The following MAP4K4 variants were observed in gnomAD, a reference collection of about 807,000 sequenced individuals.
The protein encoded by MAP4K4 is mitogen-activated protein kinase kinase kinase kinase 4.
MAP4K4 carries 38 observed loss-of-function variants against 189.6 expected under a neutral mutation model. The observed-to-expected ratio is 0.20, with a 90% CI of 0.15 to 0.26. The LOEUF is 0.26. Ranked by LOEUF, MAP4K4 falls within the 10% of genes least tolerant of loss-of-function variation. MAP4K4 has a pLI of 1.00. For synonymous variants in MAP4K4, 610 were observed against 624.3 expected (o/e 0.98, Z 0.34); for missense variants, 1,054 against 1,726.9 (o/e 0.61, Z 6.91).
chr2:101,719,619 G>A (rs1435161318), intron 2 of MAP4K4, among the ~76,000 whole-genome samples: 1 of 152,166 alleles, frequency 6.6e-6, no homozygotes. Context: ...CAAGCTTTTT[G>A]GTTCTTGATT....
At chr2:101,855,738 T>C (rs2097432090) in intron 12 of MAP4K4, among the ~76,000 whole-genome samples, 1 of 152,168 alleles carries the variant, frequency 6.6e-6, no homozygotes, top group African/African-American at 2.4e-5. Context: ...ATAATTGTTA[T>C]CAAAATGAAA....
At chr2:101,768,140 A>G (rs2079513660) in intron 2 of MAP4K4, among the ~76,000 whole-genome samples, 2 of 152,290 alleles carry the variant, frequency 1.3e-5, no homozygotes, top group Admixed American at 6.5e-5. Context: ...ATCTTGTATC[A>G]TAACGTTAGT....
At chr2:101,861,780 T>A (rs556829477) in intron 16 of MAP4K4, 1 of 152,282 alleles carries the variant, frequency 6.6e-6, no homozygotes, top group African/African-American at 2.4e-5. Flanking sequence ...AACTACTGAC[T>A]TTTAGATATT....
At chr2:101,754,360 T>C (rs896288800) in intron 2 of MAP4K4, among the ~76,000 whole-genome samples, 1 of 146,604 alleles carries the variant, frequency 6.8e-6, no homozygotes, top group Non-Finnish European at 1.5e-5. Context: ...TTTTTTTTTT[T>C]TTTTTTTGAG....
chr2:101,745,338 C>T (rs577317474), intron 2 of MAP4K4, among the ~76,000 whole-genome samples: 1 of 135,644 alleles, frequency 7.4e-6, no homozygotes, highest in Non-Finnish European at 1.6e-5. Context: ...ACCCCCCCCC[C>T]CCCAATACTG....
intron 2 of MAP4K4, among the ~76,000 whole-genome samples, chr2:101,790,332 A>G (rs755079136): frequency 2.0e-5 from 3 of 152,154 alleles, no homozygotes; most frequent in Non-Finnish European, 4.4e-5. Flanking sequence ...GTAGAAAAAA[A>G]AAGTTTCTTT....
chr2:101,885,332 C>T, intron 29 of MAP4K4, 45 bp downstream of exon 29: 1 of 1,142,732 alleles, frequency 8.8e-7, no homozygotes, highest in Non-Finnish European at 1.3e-6. Flanking sequence ...GCCATTCAAG[C>T]TGCAACCAAG....
intron 2 of MAP4K4, among the ~76,000 whole-genome samples, chr2:101,703,651 G>A (rs1267669287): frequency 6.6e-6 from 1 of 150,848 alleles, no homozygotes; most frequent in Non-Finnish European, 1.5e-5. Context: ...CGGGGGTGGG[G>A]TGGTTAAAGT....
At chr2:101,814,936 A>G (rs899654276) in intron 3 of MAP4K4, among the ~76,000 whole-genome samples, 9 of 152,214 alleles carry the variant, frequency 5.9e-5, no homozygotes, top group African/African-American at 2.2e-4. Context: ...AATGTCCTCA[A>G]GGTCAAAGTT....
chr2:101,788,646 A>C (rs1395783679), intron 2 of MAP4K4, among the ~76,000 whole-genome samples: 2 of 152,192 alleles, frequency 1.3e-5, no homozygotes, highest in Non-Finnish European at 2.9e-5. Context: ...CCTCATCACA[A>C]AAATAATTGA....
chr2:101,756,023 C>T (rs1574971592), intron 2 of MAP4K4, among the ~76,000 whole-genome samples: 1 of 144,952 alleles, frequency 6.9e-6, no homozygotes, highest in South Asian at 2.2e-4. Flanking sequence ...TCACTGCAAG[C>T]TCCGCCTCCC....
At chr2:101,806,178 A>G (rs554294450) in intron 3 of MAP4K4, among the ~76,000 whole-genome samples, 1 of 152,266 alleles carries the variant, frequency 6.6e-6, no homozygotes, top group African/African-American at 2.4e-5. Flanking sequence ...GGTCTTTGAT[A>G]TGACATTTTG....
intron 10 of MAP4K4, 49 bp from the exon 11 acceptor site, chr2:101,842,560 G>T (rs1352494836): frequency 7.4e-7 from 1 of 1,351,696 alleles, no homozygotes; most frequent in South Asian, 1.3e-5. Context: ...GAACAGGCGT[G>T]TGTCAGGACT....
intron 2 of MAP4K4, among the ~76,000 whole-genome samples, chr2:101,710,963 T>C (rs2045160367): frequency 6.6e-6 from 1 of 152,238 alleles, no homozygotes; most frequent in Non-Finnish European, 1.5e-5. Flanking sequence ...ACATCTGCAC[T>C]GTTTGGTGCT....
chr2:101,756,729 A>ATTTT (rs34314872), intron 2 of MAP4K4, among the ~76,000 whole-genome samples: 5 of 125,040 alleles, frequency 4.0e-5, no homozygotes, highest in African/African-American at 1.5e-4. Flanking sequence ...TAATTTTTGT[A>ATTTT]TTTTTTTTTT....
chr2:101,762,546 C>G (rs1009412069), intron 2 of MAP4K4, among the ~76,000 whole-genome samples: 1 of 152,206 alleles, frequency 6.6e-6, no homozygotes, highest in Non-Finnish European at 1.5e-5. Flanking sequence ...TTGATACCAT[C>G]TGCTGAGTTG....
At chr2:101,810,616 C>A (rs763602025) in intron 3 of MAP4K4, among the ~76,000 whole-genome samples, 7 of 152,124 alleles carry the variant, frequency 4.6e-5, no homozygotes, top group African/African-American at 7.2e-5. Context: ...GTGAAATTTA[C>A]CACTGAAGGA....
At chr2:101,716,518 A>G (rs1036572919) in intron 2 of MAP4K4, among the ~76,000 whole-genome samples, 1 of 152,166 alleles carries the variant, frequency 6.6e-6, no homozygotes, top group Non-Finnish European at 1.5e-5. Flanking sequence ...GGCAAAAAAA[A>G]AAAAAGATAC....
At chr2:101,716,892 A>G (rs1393010837) in intron 2 of MAP4K4, among the ~76,000 whole-genome samples, 2 of 152,148 alleles carry the variant, frequency 1.3e-5, no homozygotes, top group Non-Finnish European at 1.5e-5. Flanking sequence ...GTTGTTCACT[A>G]AGGAATATTT....
Sources: allele counts gnomAD v4.1 joint callset (sites outside exome capture counted in the v4.1 genomes callset), GRCh38; gene constraint gnomAD v4.1.1; transcripts MANE v1.5; gene names NCBI Gene and HGNC (gene_info 2026-07-23, HGNC 2026-07-21).